Variants in TRAPPC9 observed in about 807,000 individuals in gnomAD.
TRAPPC9 encodes the protein trafficking protein particle complex subunit 9.
A neutral mutation model predicts 124.0 loss-of-function variants in TRAPPC9; 83 were observed. The observed-to-expected ratio is 0.67, with a 90% CI of 0.56 to 0.80. The LOEUF (loss-of-function observed/expected upper bound fraction) is 0.80. Among genes scored for constraint, TRAPPC9 ranks in the 30% least tolerant of loss-of-function variants. The probability of loss-of-function intolerance (pLI) is 0.00; values close to 1 mark genes in which losing one functional copy is unlikely to be tolerated. For missense variants in TRAPPC9, 1,302 were observed against 1,508.3 expected (o/e 0.86, Z 2.27); for synonymous variants, 638 against 617.5 (o/e 1.03, Z -0.49).
chr8:140,036,894 C>T (rs537072564), intron 17 of TRAPPC9, among the ~76,000 whole-genome samples: 2 of 152,090 alleles, frequency 1.3e-5, no homozygotes, highest in African/African-American at 2.4e-5. Flanking sequence ...ATGTGCAGAA[C>T]GTGCAGTTTT....
rs1822443530 is a variant in TRAPPC9, at chr8:139,788,658, G to C, written c.3056-56456C>G. 6.6e-6 allele frequency among the ~76,000 whole-genome samples: 1 copy of C among 152,126 alleles called. No individual in the cohort carries two copies. Among genetic ancestry groups the C allele is most frequent in the South Asian group, 2.1e-4 (1 of 4,824 alleles). On this transcript the variant is annotated intron_variant, in intron 21 of 22. Transcript: ENST00000438773. This position sits in a 1 kb window ranked among gnomAD's most constrained non-coding sequence, Gnocchi z 4.9. ...GATGCTGGCCCTGGGCACACGCTTT[G>C]TTCTCCCACCTCCCTCCTGACGGCC... is the stretch of plus-strand genomic sequence containing the variant.
chr8:139,947,888 A>ACG (rs1554678271), intron 19 of TRAPPC9, among the ~76,000 whole-genome samples: 1 of 65,912 alleles, frequency 1.5e-5, no homozygotes, highest in African/African-American at 5.3e-5. Flanking sequence ...AAAAAGAAAT[A>ACG]TGTGTGTATA....
chr8:139,830,260 C>A (rs554149554), intron 21 of TRAPPC9, among the ~76,000 whole-genome samples: 1 of 151,350 alleles, frequency 6.6e-6, no homozygotes, highest in African/African-American at 2.4e-5. Context: ...CACATGCACA[C>A]ACATGCATAC....
intron 21 of TRAPPC9, among the ~76,000 whole-genome samples, chr8:139,802,315 C>T (rs1224155485): frequency 6.6e-6 from 1 of 152,146 alleles, no homozygotes; most frequent in Non-Finnish European, 1.5e-5. Context: ...GCTGGCCCCA[C>T]GGGGACTGGC....
intron 19 of TRAPPC9, among the ~76,000 whole-genome samples, chr8:139,937,231 G>A (rs1011126130): frequency 6.6e-6 from 1 of 152,154 alleles, no homozygotes; most frequent in Non-Finnish European, 1.5e-5. Flanking sequence ...TATATTATGG[G>A]AAGAGGCACA....
At position 139,774,546 on chromosome 8, in the gene TRAPPC9, C is replaced by T. The variant is rs574592996; in HGVS notation, c.3056-42344G>A. On this transcript the variant is annotated intron_variant, in intron 21 of 22. Coordinates refer to ENST00000438773, the MANE Select transcript of TRAPPC9 (RefSeq NM_001160372.4). ...CTGGAGAGACCCCCTTCCCGCTGAC[C>T]GCCAGCGACAGCAGCTGTGCCGCGT... Among the ~76,000 whole-genome samples, 20 of 152,318 alleles carry T rather than the reference C, an allele frequency of 1.3e-4. No individual in the cohort carries two copies. The East Asian group carries it at 3.3e-3, about 25-fold the overall frequency.
At position 140,012,450 on chromosome 8, in the gene TRAPPC9, G is replaced by A. The variant is rs61530402; in HGVS notation, c.2699+11487C>T. 4.3e-3 allele frequency among the ~76,000 whole-genome samples: 648 copies of A among 152,348 alleles called. 9 individuals carry two copies. Among genetic ancestry groups the A allele is most frequent in the African/African-American group, 0.014 (592 of 41,582 alleles). Reference sequence around the variant, plus strand: ...ACTGAGAATGAGAGGGAAGAAGGGCGTGGACCCCATGCGCTGCAGGCTTGC... The same window carrying A: ...ACTGAGAATGAGAGGGAAGAAGGGCATGGACCCCATGCGCTGCAGGCTTGC... On this transcript the variant is annotated intron_variant, in intron 18 of 22. Coordinates refer to ENST00000438773, the MANE Select transcript of TRAPPC9 (RefSeq NM_001160372.4).
intron 4 of TRAPPC9, among the ~76,000 whole-genome samples, chr8:140,430,263 A>G (rs1266293746): frequency 6.6e-6 from 1 of 152,212 alleles, no homozygotes; most frequent in East Asian, 1.9e-4. Context: ...CTGTGTTACA[A>G]AGAAAGAACT....
chr8:139,809,664 G>A (rs1221281273), intron 21 of TRAPPC9, among the ~76,000 whole-genome samples: 1 of 152,060 alleles, frequency 6.6e-6, no homozygotes. Flanking sequence ...TGCTCTCCCT[G>A]CAGAAGCCCC....
rs572496015 is a variant in TRAPPC9, at chr8:140,313,728, G to A, written c.1496-2354C>T. On this transcript the variant is annotated intron_variant, in intron 9 of 22. Coordinates refer to ENST00000438773, the MANE Select transcript of TRAPPC9 (RefSeq NM_001160372.4). ...TCAAATGCTAATCTTCTGCTGGGGT[G>A]GAAAAGGGACCGTCGCCAGCTGCAG... Among the ~76,000 whole-genome samples the A allele has an allele frequency of 2.0e-5, 3 of 152,218 alleles. No homozygotes were observed. In the East Asian group the frequency reaches 5.8e-4, roughly 30 times the overall value.
At chr8:140,441,598 A>G (rs981401689) in intron 2 of TRAPPC9, among the ~76,000 whole-genome samples, 1 of 152,012 alleles carries the variant, frequency 6.6e-6, no homozygotes, top group Non-Finnish European at 1.5e-5. Flanking sequence ...AGGCAGGAGG[A>G]TCACTTAAGG....
upstream of TRAPPC9, chr8:140,458,294 C>T (rs370984854): frequency 8.2e-5 from 127 of 1,558,220 alleles, no homozygotes; most frequent in Non-Finnish European, 9.7e-5. Context: ...TCCTTCAGGG[C>T]GCGCAGCTCA....
At chr8:140,088,624 C>G (rs1407725429) in intron 17 of TRAPPC9, among the ~76,000 whole-genome samples, 1 of 152,160 alleles carries the variant, frequency 6.6e-6, no homozygotes, top group African/African-American at 2.4e-5. Flanking sequence ...TAACAAGAAA[C>G]TCATCAGTAA....
At chr8:139,926,628 T>C (rs1024890721) in intron 19 of TRAPPC9, among the ~76,000 whole-genome samples, 1 of 144,050 alleles carries the variant, frequency 6.9e-6, no homozygotes, top group Non-Finnish European at 1.5e-5. Context: ...AAAAAACTCC[T>C]GAATAGCTTG....
intron 9 of TRAPPC9, among the ~76,000 whole-genome samples, chr8:140,313,876 A>G (rs770769341): frequency 3.3e-5 from 5 of 152,162 alleles, no homozygotes; most frequent in Admixed American, 3.3e-4. Flanking sequence ...CCCTACTGCC[A>G]TATGACCCCA....
intron 21 of TRAPPC9, among the ~76,000 whole-genome samples, chr8:139,844,892 G>A (rs1826971609): frequency 6.6e-6 from 1 of 152,228 alleles, no homozygotes; most frequent in African/African-American, 2.4e-5. Flanking sequence ...GGCTTGGCCT[G>A]AAGGCCTCAG....
intron 9 of TRAPPC9, among the ~76,000 whole-genome samples, chr8:140,325,927 A>G (rs2066723510): frequency 6.6e-6 from 1 of 152,200 alleles, no homozygotes; most frequent in South Asian, 2.1e-4. Context: ...ATGAGTTCTC[A>G]GCTGGCACCC....
chr8:140,201,210 C>T (rs113848160), intron 17 of TRAPPC9, among the ~76,000 whole-genome samples: 143 of 152,286 alleles, frequency 9.4e-4, no homozygotes, highest in African/African-American at 3.2e-3. Context: ...GCAAAATATT[C>T]CGAAAGAGAA....
chr8:139,823,923 G>C (rs1825443807), intron 21 of TRAPPC9, among the ~76,000 whole-genome samples: 1 of 152,230 alleles, frequency 6.6e-6, no homozygotes, highest in East Asian at 1.9e-4. Flanking sequence ...GAAGGTCTTG[G>C]AGAGAGAGTT....
Sources: allele counts gnomAD v4.1 joint callset (sites outside exome capture counted in the v4.1 genomes callset), GRCh38; gene constraint gnomAD v4.1.1; non-coding constraint Gnocchi (gnomAD v3.1); transcripts MANE v1.5; gene names NCBI Gene and HGNC (gene_info 2026-07-23, HGNC 2026-07-21).